PDE11A: variants seen among roughly 807,000 people sequenced by gnomAD.
The protein encoded by PDE11A is phosphodiesterase 11A.
Under a neutral mutation model 100.5 loss-of-function variants are expected in PDE11A, and 100 were observed. That is an observed-to-expected ratio of 1.00 (90% CI 0.85 to 1.18). The LOEUF is 1.18. Among genes scored for constraint, PDE11A ranks in the 50% most tolerant of loss-of-function variants. PDE11A has a pLI of 0.00. For synonymous variants in PDE11A, 381 were observed against 420.8 expected (o/e 0.91, Z 1.16); for missense variants, 1,141 against 1,152.6 (o/e 0.99, Z 0.15).
At chr2:178,023,255 C>G (rs2086436451) in intron 1 of PDE11A, among the ~76,000 whole-genome samples, 1 of 152,174 alleles carries the variant, frequency 6.6e-6, no homozygotes, top group African/African-American at 2.4e-5. Context: ...CCTCTGAACT[C>G]AGCTTTCATG....
Position 177,629,243 on chromosome 2 carries a change from C to G in PDE11A, c.*164G>C. 1.4e-6 allele frequency: 1 copy of G among 711,938 alleles called. No homozygotes were observed. Among genetic ancestry groups the G allele is most frequent in the Non-Finnish European group, 2.5e-6 (1 of 394,654 alleles). The allele number at this position is 711,938 out of a possible 1,614,324, so 44.1% of individuals were successfully genotyped here. On this transcript the variant is annotated 3_prime_UTR_variant, in exon 20 of 20. Coordinates refer to ENST00000286063, the MANE Select transcript of PDE11A (RefSeq NM_016953.4). ...CTTTCTTTGTCCTTCCCGTTGCTCT[C>G]TCTGCTGCTGACCATGCTTCAAGGT...
At position 178,024,221 on chromosome 2, in the gene PDE11A, G is replaced by A. The variant is rs184628929; in HGVS notation, c.913-9761C>T. Reference sequence around the variant, plus strand: ...GAGGTCAGGAGTTTGAGACCAGCCCGGCTAACAAGCTGAAACCCCATCTCT... The same window carrying A: ...GAGGTCAGGAGTTTGAGACCAGCCCAGCTAACAAGCTGAAACCCCATCTCT... On this transcript the variant is annotated intron_variant, in intron 1 of 19. Transcript: ENST00000286063. Among the ~76,000 whole-genome samples, 700 of 152,196 alleles carry A rather than the reference G, an allele frequency of 4.6e-3. 11 individuals carry two copies. Among genetic ancestry groups the A allele is most frequent in the African/African-American group, 0.016 (656 of 41,528 alleles).
chr2:177,782,753 T>A (rs1427011274), intron 9 of PDE11A, among the ~76,000 whole-genome samples: 1 of 152,108 alleles, frequency 6.6e-6, no homozygotes, highest in African/African-American at 2.4e-5. Context: ...GCTTCCTTCC[T>A]TCCCTCTTCC....
intron 1 of PDE11A, among the ~76,000 whole-genome samples, chr2:178,036,691 C>T (rs1037875658): frequency 1.2e-4 from 18 of 151,958 alleles, no homozygotes; most frequent in Admixed American, 2.0e-4. Context: ...ACCAACGGAA[C>T]GAAAGGAGAC....
At chr2:177,854,252 C>G (rs1253334506) in intron 5 of PDE11A, among the ~76,000 whole-genome samples, 2 of 151,936 alleles carry the variant, frequency 1.3e-5, no homozygotes, top group Admixed American at 1.3e-4. Context: ...ACTAGAGTGA[C>G]AAGCTCATTG....
intron 1 of PDE11A, among the ~76,000 whole-genome samples, chr2:178,062,147 C>T (rs186835263): frequency 2.8e-4 from 43 of 152,214 alleles, no homozygotes; most frequent in African/African-American, 1.0e-3. Context: ...TCCAGCTGTT[C>T]GTCTCCCTGC....
At chr2:177,911,244 T>C (rs536289311) in intron 2 of PDE11A, among the ~76,000 whole-genome samples, 7 of 152,314 alleles carry the variant, frequency 4.6e-5, no homozygotes, top group African/African-American at 1.7e-4. Flanking sequence ...TATCAAAATA[T>C]GAAAGCAGTC....
At chr2:177,756,564 G>A (rs756217691) in intron 10 of PDE11A, among the ~76,000 whole-genome samples, 17 of 152,148 alleles carry the variant, frequency 1.1e-4, no homozygotes, top group Non-Finnish European at 2.5e-4. Flanking sequence ...ACGGCCACCT[G>A]TTCCCACAGA....
intron 5 of PDE11A, among the ~76,000 whole-genome samples, chr2:177,870,548 G>A (rs531159056): frequency 6.6e-6 from 1 of 152,326 alleles, no homozygotes; most frequent in South Asian, 2.1e-4. Flanking sequence ...GAGAAAAAGT[G>A]CCTTAAAATC....
intron 9 of PDE11A, among the ~76,000 whole-genome samples, chr2:177,786,105 T>A (rs1162416156): frequency 6.6e-6 from 1 of 152,230 alleles, no homozygotes; most frequent in African/African-American, 2.4e-5. Flanking sequence ...CCCTGACCCC[T>A]GACCCCTGAG....
intron 4 of PDE11A, among the ~76,000 whole-genome samples, chr2:177,881,368 TATCTATCTATCTATCTATCC>T (rs1243429467): frequency 1.3e-5 from 2 of 150,314 alleles, no homozygotes; most frequent in South Asian, 2.1e-4. Flanking sequence ...TCTATCTATC[TATCTATCTATCTATCTATCC>T]ATCTATCTAT....
chr2:177,892,610 C>A (rs1350822073), intron 4 of PDE11A, among the ~76,000 whole-genome samples: 1 of 152,254 alleles, frequency 6.6e-6, no homozygotes, highest in African/African-American at 2.4e-5. Flanking sequence ...GATTTAGACT[C>A]ATTTAATACT....
intron 19 of PDE11A, among the ~76,000 whole-genome samples, chr2:177,640,884 G>GACCCTCTTCTCTT (rs1559122104): frequency 6.6e-6 from 1 of 152,176 alleles, no homozygotes; most frequent in East Asian, 1.9e-4. Context: ...GGTCATCCAT[G>GACCCTCTTCTCTT]ACATCTTCCT....
chr2:178,006,417 G>T, intron 2 of PDE11A, among the ~76,000 whole-genome samples: 1 of 152,118 alleles, frequency 6.6e-6, no homozygotes, highest in Non-Finnish European at 1.5e-5. Flanking sequence ...ACAAAATCAG[G>T]GGCAGGGTAG....
At chr2:177,849,320 T>C (rs1383161105) in intron 5 of PDE11A, among the ~76,000 whole-genome samples, 1 of 152,152 alleles carries the variant, frequency 6.6e-6, no homozygotes, top group Non-Finnish European at 1.5e-5. Context: ...TGGAAGGATG[T>C]TGGTCTAAGC....
At chr2:178,023,820 T>C (rs954391302) in intron 1 of PDE11A, among the ~76,000 whole-genome samples, 3 of 152,128 alleles carry the variant, frequency 2.0e-5, no homozygotes, top group South Asian at 2.1e-4. Context: ...TAATTGTAAA[T>C]TGTGGAGAAG....
chr2:177,628,945 G>T lies in PDE11A; in HGVS notation c.*462C>A, dbSNP rs186830547. ...AATACCTCTATGGAATACAAATTAG[G>T]ATTCTTGGGACAGTCTGGCACAAAA... is the stretch of plus-strand genomic sequence containing the variant. On this transcript the variant is annotated 3_prime_UTR_variant, in exon 20 of 20. Transcript: ENST00000286063. 1.5e-5 allele frequency: 3 copies of T among 197,708 alleles called. No individual in the cohort carries two copies. Among genetic ancestry groups the T allele is most frequent in the East Asian group, 1.3e-4 (1 of 7,940 alleles). 12.2% of individuals were successfully genotyped at this position (197,708 alleles called of 1,614,324 possible). A position where few individuals can be genotyped will look rare whatever the true frequency, so the allele number is the denominator to read the frequency against.
intron 17 of PDE11A, 128 bp from the exon 18 acceptor site, chr2:177,669,695 G>A (rs1405923606): frequency 1.4e-6 from 1 of 694,324 alleles, no homozygotes; most frequent in Non-Finnish European, 2.6e-6. Flanking sequence ...GAGGAAGTAA[G>A]TATATTAACC....
chr2:177,675,401 C>T, intron 17 of PDE11A, 54 bp downstream of exon 17: 1 of 1,258,090 alleles, frequency 7.9e-7, no homozygotes, highest in Non-Finnish European at 1.2e-6. Flanking sequence ...ATTGTGTCCC[C>T]CTTACGCCCC....
Sources: allele counts gnomAD v4.1 joint callset (sites outside exome capture counted in the v4.1 genomes callset), GRCh38; gene constraint gnomAD v4.1.1; transcripts MANE v1.5; gene names NCBI Gene and HGNC (gene_info 2026-07-23, HGNC 2026-07-21).